Variants in PTRH1 observed in about 807,000 individuals in gnomAD.
The protein encoded by PTRH1 is peptidyl-tRNA hydrolase 1 homolog.
A neutral mutation model predicts 15.7 loss-of-function variants in PTRH1; 13 were observed. The ratio of observed to expected loss-of-function variants is 0.83; its 90% CI spans 0.54 to 1.31. PTRH1 has a LOEUF of 1.31. Among genes scored for constraint, PTRH1 ranks in the 40% most tolerant of loss-of-function variants. The pLI is 0.00. For missense variants in PTRH1, 319 were observed against 296.2 expected (o/e 1.08, Z -0.56); for synonymous variants, 139 against 136.7 (o/e 1.02, Z -0.12).
chr9:127,696,587 G>A (rs1011084881), intron 1 of PTRH1, among the ~76,000 whole-genome samples: 15 of 152,010 alleles, frequency 9.9e-5, no homozygotes, highest in Non-Finnish European at 1.8e-4. Flanking sequence ...ATCCGGGTGC[G>A]GAGGCTCACA....
chr9:127,695,015 G>A, exon 2 of PTRH1: 1 of 702,858 alleles, frequency 1.4e-6, no homozygotes, highest in Non-Finnish European at 2.6e-6. Context: ...GCGGGAAGCT[G>A]AGCCCGGCTC....
chr9:127,699,646 A>AT (rs991012233), intron 1 of PTRH1, among the ~76,000 whole-genome samples: 5 of 151,684 alleles, frequency 3.3e-5, no homozygotes, highest in Non-Finnish European at 7.4e-5. Context: ...AGCGTTCCAT[A>AT]TTTTTTCCAT....
At chr9:127,703,116 C>T (rs1292792338) in intron 1 of PTRH1, among the ~76,000 whole-genome samples, 1 of 152,008 alleles carries the variant, frequency 6.6e-6, no homozygotes, top group Non-Finnish European at 1.5e-5. Flanking sequence ...TTCAGCAAAT[C>T]GGGACACTCA....
At chr9:127,702,426 C>G (rs1472814085) in intron 1 of PTRH1, among the ~76,000 whole-genome samples, 1 of 150,810 alleles carries the variant, frequency 6.6e-6, no homozygotes, top group Non-Finnish European at 1.5e-5. Context: ...GTCCCTCCTA[C>G]TGGGTGGAGG....
At chr9:127,708,441 C>T (rs992584994) in intron 1 of PTRH1, among the ~76,000 whole-genome samples, 3 of 152,172 alleles carry the variant, frequency 2.0e-5, no homozygotes, top group Non-Finnish European at 1.5e-5. Flanking sequence ...CGTGCCACTG[C>T]ACTCCAACCT....
downstream of PTRH1, chr9:127,709,593 CAA>C (rs1300248255): frequency 4.3e-6 from 7 of 1,613,866 alleles, no homozygotes; most frequent in African/African-American, 1.3e-5. This position sits in a 1 kb window ranked among gnomAD's most constrained non-coding sequence, Gnocchi z 4.7. Context: ...TGCAGCTAGC[CAA>C]AGAGATGGAG....
intron 1 of PTRH1, among the ~76,000 whole-genome samples, chr9:127,706,230 C>G (rs1842646015): frequency 6.6e-6 from 1 of 152,138 alleles, no homozygotes; most frequent in South Asian, 2.1e-4. Flanking sequence ...AGTAAAAATG[C>G]CCCCACCTCC....
chr9:127,706,210 C>G (rs1254521883), intron 1 of PTRH1, among the ~76,000 whole-genome samples: 4 of 152,192 alleles, frequency 2.6e-5, no homozygotes, highest in African/African-American at 9.7e-5. Flanking sequence ...TGACCTTTCT[C>G]ATCACCAACA....
At chr9:127,710,711 T>C (rs1842745961), downstream of PTRH1, 18 of 1,573,306 alleles carry the variant, frequency 1.1e-5, no homozygotes, top group Non-Finnish European at 1.6e-5. Flanking sequence ...GTTCAGGGAC[T>C]ATGCATACAA....
downstream of PTRH1, chr9:127,710,782 C>A: frequency 6.4e-7 from 1 of 1,551,996 alleles, no homozygotes; most frequent in Non-Finnish European, 8.7e-7. Context: ...CCTTTGGGGC[C>A]TTTGGAGGCT....
chr9:127,713,203 T>C, downstream of PTRH1: 1 of 1,527,810 alleles, frequency 6.5e-7, no homozygotes, highest in South Asian at 1.3e-5. Flanking sequence ...ACAGCAGCCC[T>C]GAGGTGAGGG....
At chr9:127,703,730 C>T (rs1842621257) in intron 1 of PTRH1, among the ~76,000 whole-genome samples, 1 of 152,166 alleles carries the variant, frequency 6.6e-6, no homozygotes. Context: ...TAAGTGGGTA[C>T]CAGGGGGTGG....
downstream of PTRH1, chr9:127,711,356 G>A: frequency 6.2e-7 from 1 of 1,614,192 alleles, no homozygotes; most frequent in South Asian, 1.1e-5. Context: ...CCTGCAGATG[G>A]CCAGGGTCTC....
downstream of PTRH1, chr9:127,712,578 G>C: frequency 6.4e-7 from 1 of 1,562,488 alleles, no homozygotes; most frequent in Admixed American, 1.9e-5. Context: ...CAGTCTTCCC[G>C]ACTGAAGAAT....
downstream of PTRH1, chr9:127,709,611 T>G (rs1337884646): frequency 2.5e-6 from 4 of 1,613,904 alleles, no homozygotes; most frequent in South Asian, 4.4e-5. This position sits in a 1 kb window ranked among gnomAD's most constrained non-coding sequence, Gnocchi z 4.7. Context: ...TGGAGAAGGA[T>G]GCCTTCGAGG....
At position 127,715,492 on chromosome 9, in the gene PTRH1, G is replaced by T; in HGVS notation, c.96+52C>A. 1 of 1,611,454 alleles carries T rather than the reference G, an allele frequency of 6.2e-7. No homozygotes were observed. Among genetic ancestry groups the T allele is most frequent in the East Asian group, 2.2e-5 (1 of 44,840 alleles). ...ACTCGGCTCCCGGGACATAATGGCC[G>T]AACTGAAGCTAGGGACCGGGAGCCC... On this transcript the variant is annotated intron_variant, in intron 1 of 4. Transcript: ENST00000543175. The surrounding 1 kb of genome is among the most constrained non-coding windows in gnomAD (Gnocchi z 5.8).
At chr9:127,701,885 G>A (rs1323762051) in intron 1 of PTRH1, among the ~76,000 whole-genome samples, 2 of 151,458 alleles carry the variant, frequency 1.3e-5, no homozygotes, top group African/African-American at 4.9e-5. Context: ...TTGCACTCCA[G>A]CCTGGGCAAC....
Position 127,713,888 on chromosome 9 carries a change from C to A in PTRH1, c.*212G>T. ...TGAAAAGTTTAGTCTTCCTGAAGTT[C>A]CCCTACGTCCCAAGTAGGACACAGA... is the stretch of plus-strand genomic sequence containing the variant. On this transcript the variant is annotated 3_prime_UTR_variant, in exon 5 of 5. Coordinates refer to ENST00000543175, the MANE Select transcript of PTRH1 (RefSeq NM_001002913.3). 1 of 1,613,916 alleles carries A rather than the reference C, an allele frequency of 6.2e-7. No individual in the cohort carries two copies. The highest frequency in any genetic ancestry group is 8.5e-7 in the Non-Finnish European group (1 of 1,179,954).
At position 127,713,888 on chromosome 9, in the gene PTRH1, C is replaced by T. The variant is rs1842829679; in HGVS notation, c.*212G>A. 10 of 1,613,916 alleles carry T rather than the reference C, an allele frequency of 6.2e-6. No individual in the cohort carries two copies. Among genetic ancestry groups the T allele is most frequent in the Non-Finnish European group, 7.6e-6 (9 of 1,179,954 alleles). On this transcript the variant is annotated 3_prime_UTR_variant, in exon 5 of 5. Coordinates refer to ENST00000543175, the MANE Select transcript of PTRH1 (RefSeq NM_001002913.3). Reference sequence around the variant, plus strand: ...TGAAAAGTTTAGTCTTCCTGAAGTTCCCCTACGTCCCAAGTAGGACACAGA... The same window carrying T: ...TGAAAAGTTTAGTCTTCCTGAAGTTTCCCTACGTCCCAAGTAGGACACAGA...
Sources: gnomAD v4.1 joint callset for allele counts (sites outside exome capture counted in the v4.1 genomes callset) on GRCh38, gnomAD v4.1.1 for gene constraint, Gnocchi (gnomAD v3.1) non-coding constraint, MANE v1.5 for transcripts, NCBI Gene and HGNC (gene_info 2026-07-23, HGNC 2026-07-21) for gene names.